The following NRG1 variants were observed in gnomAD, a reference collection of about 807,000 sequenced individuals.
The protein encoded by NRG1 is neuregulin 1.
A neutral mutation model predicts 63.8 loss-of-function variants in NRG1; 18 were observed. That is an observed-to-expected ratio of 0.28 (90% CI 0.19 to 0.42). The LOEUF (loss-of-function observed/expected upper bound fraction) is 0.42. Ranked by LOEUF, NRG1 falls within the 10% of genes least tolerant of loss-of-function variation. The pLI, the probability that NRG1 is intolerant of heterozygous loss-of-function variation, is 1.00. For missense variants in NRG1, 762 were observed against 814.7 expected (o/e 0.94, Z 0.79); for synonymous variants, 302 against 301.3 (o/e 1.00, Z -0.02).
At chr8:32,013,230 G>A (rs921880111) in intron 1 of NRG1, among the ~76,000 whole-genome samples, 4 of 152,016 alleles carry the variant, frequency 2.6e-5, no homozygotes. Flanking sequence ...AGGAAGGGCA[G>A]GAGAGTCTTC....
intron 1 of NRG1, among the ~76,000 whole-genome samples, chr8:32,593,055 A>G (rs1842789522): frequency 6.6e-6 from 1 of 152,224 alleles, no homozygotes; most frequent in Admixed American, 6.5e-5. Flanking sequence ...GTGGATCATT[A>G]TAAAGGTCTT....
chr8:32,015,450 G>A (rs1328413513), intron 1 of NRG1, among the ~76,000 whole-genome samples: 2 of 152,104 alleles, frequency 1.3e-5, no homozygotes, highest in African/African-American at 4.8e-5. Context: ...TTCTTTAGGG[G>A]AAGCAAAAAC....
intron 1 of NRG1, among the ~76,000 whole-genome samples, chr8:32,487,798 C>A (rs1285449185): frequency 1.3e-5 from 2 of 152,154 alleles, no homozygotes; most frequent in East Asian, 3.9e-4. Flanking sequence ...TTAAAGAGAG[C>A]AGGTCTACTC....
chr8:32,728,929 G>A lies in NRG1; in HGVS notation c.632+851G>A, dbSNP rs767561128. 1.2e-4 allele frequency among the ~76,000 whole-genome samples: 18 copies of A among 152,238 alleles called. 1 individual carries two copies. Among genetic ancestry groups the A allele is most frequent in the South Asian group, 6.2e-4 (3 of 4,824 alleles). ...AAATGCAAAAAAAAATTAGCTGGGCGTGGTGGCACACGCCTGTAGTCCCAG... is the reference window on the plus strand; with the variant it reads ...AAATGCAAAAAAAAATTAGCTGGGCATGGTGGCACACGCCTGTAGTCCCAG... On this transcript the variant is annotated intron_variant, in intron 6 of 11. Coordinates refer to ENST00000356819, the Ensembl canonical transcript of NRG1.
At chr8:31,710,283 G>A (rs1468777624) in intron 1 of NRG1, among the ~76,000 whole-genome samples, 3 of 151,606 alleles carry the variant, frequency 2.0e-5, no homozygotes, top group African/African-American at 7.3e-5. Flanking sequence ...TCTAGAATTT[G>A]CCTATTTCTG....
intron 1 of NRG1, among the ~76,000 whole-genome samples, chr8:32,524,636 C>G (rs183539391): frequency 1.3e-5 from 2 of 152,100 alleles, no homozygotes; most frequent in African/African-American, 2.4e-5. Flanking sequence ...GGTTTTTCCT[C>G]CAGCAATTCT....
intron 1 of NRG1, among the ~76,000 whole-genome samples, chr8:32,239,359 T>C (rs1413034270): frequency 6.7e-6 from 1 of 149,972 alleles, no homozygotes; most frequent in African/African-American, 2.4e-5. Flanking sequence ...TCACATCTTA[T>C]ACAGAAATTA....
Position 32,095,826 on chromosome 8 carries a change from A to G in NRG1, c.37+456395A>G, listed in dbSNP as rs190896359. Among the ~76,000 whole-genome samples the G allele has an allele frequency of 8.5e-5, 13 of 152,344 alleles. No homozygotes were observed. In the East Asian group the frequency reaches 2.1e-3, roughly 25 times the overall value. On this transcript the variant is annotated intron_variant, in intron 1 of 10. Coordinates refer to the NRG1 transcript ENST00000519301. ...TTGTTTTTAAAGAAGGAAAAATATT[A>G]TTATAGACCCTGAACCTTCTTCTTC...
At chr8:32,427,633 G>C (rs1817562692) in intron 1 of NRG1, among the ~76,000 whole-genome samples, 1 of 152,122 alleles carries the variant, frequency 6.6e-6, no homozygotes, top group Non-Finnish European at 1.5e-5. Context: ...TGGTAAACCT[G>C]TTTTCAATCC....
At chr8:32,480,583 G>A (rs761973214) in intron 1 of NRG1, among the ~76,000 whole-genome samples, 15 of 152,098 alleles carry the variant, frequency 9.9e-5, no homozygotes, top group African/African-American at 2.2e-4. Context: ...CCGTTTTTGC[G>A]TTGCTGTAAA....
At chr8:32,182,365 G>A (rs1341274361) in intron 1 of NRG1, among the ~76,000 whole-genome samples, 1 of 152,108 alleles carries the variant, frequency 6.6e-6, no homozygotes, top group African/African-American at 2.4e-5. Context: ...TCCTGCATCA[G>A]CCTCCTGAGT....
intron 1 of NRG1, among the ~76,000 whole-genome samples, chr8:31,733,788 C>T (rs1189612923): frequency 6.6e-6 from 1 of 152,122 alleles, no homozygotes; most frequent in African/African-American, 2.4e-5. Context: ...AAGAGTGAAC[C>T]TCTCTGCCCC....
chr8:32,729,306 T>G (rs1823051040), intron 6 of NRG1, among the ~76,000 whole-genome samples: 1 of 152,220 alleles, frequency 6.6e-6, no homozygotes, highest in Non-Finnish European at 1.5e-5. Context: ...ATTTAATATT[T>G]TATTGAAATG....
At chr8:32,616,011 A>G (rs927434922) in intron 4 of NRG1, among the ~76,000 whole-genome samples, 3 of 152,132 alleles carry the variant, frequency 2.0e-5, no homozygotes, top group African/African-American at 7.2e-5. Context: ...TATGGAACTT[A>G]TCTTGGGAAA....
chr8:32,047,835 C>T lies in NRG1; in HGVS notation c.37+408404C>T, dbSNP rs188825662. Among the ~76,000 whole-genome samples the T allele has an allele frequency of 5.3e-5, 8 of 151,766 alleles. No individual in the cohort carries two copies. The East Asian group carries it at 1.5e-3, about 29-fold the overall frequency. ...TACAATGTATCATTAATGATAGTCA[C>T]CATGGTACAATAAATATCTGTAATT... On this transcript the variant is annotated intron_variant, in intron 1 of 10. Transcript: ENST00000519301.
chr8:32,657,340 C>T (rs1589026477), intron 5 of NRG1, among the ~76,000 whole-genome samples: 1 of 151,904 alleles, frequency 6.6e-6, no homozygotes, highest in Non-Finnish European at 1.5e-5. Context: ...TCTTCTCTTT[C>T]CTCTATTCTT....
intron 1 of NRG1, among the ~76,000 whole-genome samples, chr8:31,956,200 C>T (rs1804367797): frequency 2.0e-5 from 3 of 152,138 alleles, no homozygotes; most frequent in Admixed American, 2.0e-4. Context: ...ATTCCCCAAG[C>T]CCAGCATTTG....
At chr8:32,272,018 A>G (rs974506820) in intron 1 of NRG1, among the ~76,000 whole-genome samples, 8 of 152,134 alleles carry the variant, frequency 5.3e-5, no homozygotes, top group Non-Finnish European at 8.8e-5. Context: ...CAATTAATTC[A>G]TTTATTTACT....
chr8:32,496,072 C>T (rs772886313), intron 1 of NRG1, among the ~76,000 whole-genome samples: 1 of 152,054 alleles, frequency 6.6e-6, no homozygotes, highest in Non-Finnish European at 1.5e-5. Context: ...TTAAACTGAA[C>T]AAATAGTGCT....
Sources: allele counts gnomAD v4.1 joint callset (sites outside exome capture counted in the v4.1 genomes callset), GRCh38; gene constraint gnomAD v4.1.1; transcripts MANE v1.5; gene names NCBI Gene and HGNC (gene_info 2026-07-23, HGNC 2026-07-21).